The following SCUBE3 variants were observed in gnomAD, a reference collection of about 807,000 sequenced individuals.
SCUBE3 encodes the protein signal peptide, CUB domain and EGF like domain containing 3.
In SCUBE3, 33 loss-of-function variants were observed where a neutral mutation model predicts 116.8. The ratio of observed to expected loss-of-function variants is 0.28; its 90% confidence interval spans 0.21 to 0.38. The LOEUF (loss-of-function observed/expected upper bound fraction) is 0.38. Among genes scored for constraint, SCUBE3 ranks in the 10% least tolerant of loss-of-function variants. The pLI, the probability that SCUBE3 is intolerant of heterozygous loss-of-function variation, is 1.00. For synonymous variants in SCUBE3, 418 were observed against 496.9 expected, an observed-to-expected ratio of 0.84 and a Z score of 2.11; for missense variants, 1,007 against 1,324.8, an observed-to-expected ratio of 0.76 and a Z score of 3.72.
In SCUBE3 at chr6:35,250,376, A is replaced by G. The variant is rs193061758; in HGVS notation, c.*1671A>G. On this transcript the variant is annotated 3_prime_UTR_variant, in exon 22 of 22. Coordinates refer to ENST00000274938, the MANE Select transcript of SCUBE3 (RefSeq NM_152753.4). ...TGTACACATGGAAGAGGACCAGGAC[A>G]TACCACCTGGGGATGGGCTGACTCA... 3 of 152,298 alleles carry G rather than the reference A, an allele frequency of 2.0e-5. No homozygotes were observed. Among genetic ancestry groups the G allele is most frequent in the Admixed American group, 6.5e-5 (1 of 15,298 alleles). The allele number at this position is 152,298 out of a possible 1,614,324, so 9.4% of individuals were successfully genotyped here.
chr6:35,246,159 A>G lies in SCUBE3; in HGVS notation c.2753-47A>G, dbSNP rs200393984. Reference sequence around the variant, plus strand: ...AGTTTTGAGAGGGAACCAGGAGAGCAGGAAGAGCTCCCGCCCCTGAGCCCC... The same window carrying G: ...AGTTTTGAGAGGGAACCAGGAGAGCGGGAAGAGCTCCCGCCCCTGAGCCCC... On this transcript the variant is annotated intron_variant, in intron 20 of 21. Transcript: ENST00000274938. 2.2e-4 allele frequency: 349 copies of G among 1,611,652 alleles called. 1 individual carries two copies. The African/African-American group carries it at 4.0e-3, about 18-fold the overall frequency.
At chr6:35,225,724 G>A (rs949477183) in intron 1 of SCUBE3, among the ~76,000 whole-genome samples, 1 of 152,124 alleles carries the variant, frequency 6.6e-6, no homozygotes, top group African/African-American at 2.4e-5. Context: ...TAAAAGCGGA[G>A]GACAGATAAC....
In SCUBE3 at chr6:35,235,571, T is replaced by C. The variant is rs140694819; in HGVS notation, c.712+2270T>C. 3.7e-6 allele frequency: 3 copies of C among 806,696 alleles called. No homozygotes were observed. Among genetic ancestry groups the C allele is most frequent in the African/African-American group, 1.7e-5 (1 of 57,432 alleles). The allele number at this position is 806,696 out of a possible 1,614,324, so 50.0% of individuals were successfully genotyped here. ...CTAACCCGCTGGGGCTCCCACTAAC[T>C]GCATGCCCACTGGGCCCAGCCTGAC... is the stretch of plus-strand genomic sequence containing the variant. On this transcript the variant is annotated intron_variant, in intron 6 of 21. Coordinates refer to ENST00000274938, the MANE Select transcript of SCUBE3 (RefSeq NM_152753.4). This position sits in a 1 kb window ranked among gnomAD's most constrained non-coding sequence, Gnocchi z 4.5.
At chr6:35,217,222 CGGGGGGGGGG>C (rs1260285538) in intron 1 of SCUBE3, among the ~76,000 whole-genome samples, 1 of 1,070 alleles carries the variant, frequency 9.3e-4, no homozygotes. Context: ...GGGTGTTTGG[CGGGGGGGGGG>C]GGGGCGGGGG....
rs1031368710 is a variant in SCUBE3 at position 35,235,515 on chromosome 6, G to A, written c.712+2214G>A. On this transcript the variant is annotated intron_variant, in intron 6 of 21. Transcript: ENST00000274938. This position sits in a 1 kb window ranked among gnomAD's most constrained non-coding sequence, Gnocchi z 4.5. ...AATGGTAAATATGTCTGCTCTCTCC[G>A]CTTGCTCTCACTGGCTTGCTAGGGG... is the stretch of plus-strand genomic sequence containing the variant. 1.7e-5 allele frequency: 22 copies of A among 1,260,652 alleles called. No homozygotes were observed. The highest frequency in any genetic ancestry group is 7.6e-5 in the African/African-American group (5 of 65,390). 78.1% of individuals were successfully genotyped at this position (1,260,652 alleles called of 1,614,324 possible). A position where few individuals can be genotyped will look rare whatever the true frequency, so the allele number is the denominator to read the frequency against.
chr6:35,227,808 A>G lies in SCUBE3; in HGVS notation c.208+106A>G. 2.8e-6 allele frequency: 3 copies of G among 1,064,066 alleles called. No homozygotes were observed. The South Asian group carries it at 4.3e-5, about 15-fold the overall frequency. 65.9% of individuals were successfully genotyped at this position (1,064,066 alleles called of 1,614,324 possible). On this transcript the variant is annotated intron_variant, in intron 2 of 21. Transcript: ENST00000274938. ...CCATCACATCAAGGCTAGAAATTCC[A>G]CTGGTCAAGTGGTGGGGGGGTGGTG...
In SCUBE3 at chr6:35,231,081, T is replaced by C. The variant is rs1783530608; in HGVS notation, c.335-644T>C. ...CCCCAGATCCCTCCCCGCCAAGTTG[T>C]CAGACTTTGTTTTGTTAAGCCAAAA... On this transcript the variant is annotated intron_variant, in intron 3 of 21. Transcript: ENST00000274938. This position sits in a 1 kb window ranked among gnomAD's most constrained non-coding sequence, Gnocchi z 4.2. Among the ~76,000 whole-genome samples the C allele has an allele frequency of 6.6e-6, 1 of 151,858 alleles. No individual in the cohort carries two copies. Among genetic ancestry groups the C allele is most frequent in the Non-Finnish European group, 1.5e-5 (1 of 67,940 alleles).
chr6:35,227,811 G>T, intron 2 of SCUBE3, 109 bp downstream of exon 2: 4 of 1,164,578 alleles, frequency 3.4e-6, no homozygotes, highest in Non-Finnish European at 3.7e-6. Context: ...AAATTCCACT[G>T]GTCAAGTGGT....
chr6:35,241,585 T>G lies in SCUBE3; in HGVS notation c.1238T>G (p.Met413Arg). 6.2e-7 allele frequency: 1 copy of G among 1,614,198 alleles called. No individual in the cohort carries two copies. The highest frequency in any genetic ancestry group is 1.1e-5 in the South Asian group (1 of 91,090). ...CQGSPGASKA[M>R]LSCNRSGKKD... ...GGCAGTCCTGGGGCCTCGAAAGCCA[T>G]GCTCAGCTGCAACCGGTCTGGCAAG... The change falls in exon 11 of 22, where the codon ATG becomes AGG. Residue 413 changes from methionine (M) to arginine (R), a missense_variant. Physicochemically the swap from Met to Arg is moderately conservative, Grantham distance 91. Coordinates refer to ENST00000274938, the MANE Select transcript of SCUBE3 (RefSeq NM_152753.4). The surrounding 1 kb of genome is among the most constrained non-coding windows in gnomAD (Gnocchi z 4.1).
chr6:35,231,914 C>G lies in SCUBE3; in HGVS notation c.469+55C>G. 5 of 1,513,554 alleles carry G rather than the reference C, an allele frequency of 3.3e-6. No individual in the cohort carries two copies. The South Asian group carries it at 6.0e-5, about 18-fold the overall frequency. 93.8% of individuals were successfully genotyped at this position (1,513,554 alleles called of 1,614,324 possible). ...CCTGCCCTCCCCAGGCTTCTCTTCC[C>G]AGCTGTCCCTCAGCAGCCCCTAAGT... On this transcript the variant is annotated intron_variant, in intron 4 of 21. Transcript: ENST00000274938. The surrounding 1 kb of genome is among the most constrained non-coding windows in gnomAD (Gnocchi z 4.2).
At position 35,241,259 on chromosome 6, in the gene SCUBE3, T is replaced by C. The variant is rs1446734583; in HGVS notation, c.1188T>C (p.Asp396=). 1 of 1,594,296 alleles carries C rather than the reference T, an allele frequency of 6.3e-7. No individual in the cohort carries two copies. Among genetic ancestry groups the C allele is most frequent in the Non-Finnish European group, 8.6e-7 (1 of 1,164,892 alleles). ...GQGRLHWNGK[D]CTEPLKCQGS... is the part of the protein sequence containing the mutation. ...GTCGGCTGCACTGGAATGGCAAAGA[T>C]TGCACAGGTGGGCAGTGCCCTCTGC... Residue 396 remains aspartate, a synonymous_variant, in exon 10 of 22, where the codon GAT becomes GAC. Transcript: ENST00000274938. This position sits in a 1 kb window ranked among gnomAD's most constrained non-coding sequence, Gnocchi z 4.1.
chr6:35,237,620 G>A (rs1783831839), intron 6 of SCUBE3, among the ~76,000 whole-genome samples: 2 of 151,640 alleles, frequency 1.3e-5, no homozygotes, highest in South Asian at 4.2e-4. Context: ...GCACATTCCT[G>A]CCTGACAGCT....
chr6:35,248,727 A>G lies in SCUBE3; in HGVS notation c.*22A>G. The G allele has an allele frequency of 6.2e-7, 1 of 1,611,394 alleles. No individual in the cohort carries two copies. The highest frequency in any genetic ancestry group is 8.5e-7 in the Non-Finnish European group (1 of 1,178,390). On this transcript the variant is annotated 3_prime_UTR_variant, in exon 22 of 22. Coordinates refer to ENST00000274938, the MANE Select transcript of SCUBE3 (RefSeq NM_152753.4). ...ATAGTAACCCTAGGCTCAGAGACCC[A>G]ATTTTTTAAGCCCCCAGACTCCTTA...
At chr6:35,217,263 G>GGGGT (rs1782957391) in intron 1 of SCUBE3, among the ~76,000 whole-genome samples, 2 of 101,412 alleles carry the variant, frequency 2.0e-5, no homozygotes, top group Non-Finnish European at 4.0e-5. Context: ...CGGGGGGGGG[G>GGGGT]GTGTGTGCAG....
chr6:35,226,086 G>T lies in SCUBE3; in HGVS notation c.86-1494G>T, dbSNP rs540451001. Among the ~76,000 whole-genome samples, 3 of 152,228 alleles carry T rather than the reference G, an allele frequency of 2.0e-5. No individual in the cohort carries two copies. The East Asian group carries it at 5.8e-4, about 29-fold the overall frequency. On this transcript the variant is annotated intron_variant, in intron 1 of 21. Coordinates refer to ENST00000274938, the MANE Select transcript of SCUBE3 (RefSeq NM_152753.4). The stretch of plus-strand genomic sequence containing the variant: ...ATCTCTTTCTCCTCTGATCTGCCCC[G>T]TAACACAGGTTCTCAACCTTGACTA...
At position 35,241,469 on chromosome 6, in the gene SCUBE3, A is replaced by C; in HGVS notation, c.1196-74A>C. Reference sequence around the variant, plus strand: ...TGGGTACAACAATAGTTATGCAAGTAGCTGATTCCTCCAAATTACCCAACT... The same window carrying C: ...TGGGTACAACAATAGTTATGCAAGTCGCTGATTCCTCCAAATTACCCAACT... On this transcript the variant is annotated intron_variant, in intron 10 of 21. Coordinates refer to ENST00000274938, the MANE Select transcript of SCUBE3 (RefSeq NM_152753.4). The surrounding 1 kb of genome is among the most constrained non-coding windows in gnomAD (Gnocchi z 4.1). The C allele has an allele frequency of 8.5e-7, 1 of 1,182,566 alleles. No individual in the cohort carries two copies. The highest frequency in any genetic ancestry group is 1.3e-6 in the Non-Finnish European group (1 of 788,188). The allele number at this position is 1,182,566 out of a possible 1,614,324, so 73.3% of individuals were successfully genotyped here.
rs1357308524 is a variant in SCUBE3 at position 35,252,395 on chromosome 6, CTT to C, written c.*3694_*3695del. The stretch of plus-strand genomic sequence containing the variant: ...GTCCTGGTCTTTGGCCCTAGAGAAA[CTT>C]TTTATATGAGAAGTGTTCTCTATAT... On this transcript the variant is annotated 3_prime_UTR_variant, in exon 22 of 22. Transcript: ENST00000274938. The C allele has an allele frequency of 6.6e-6, 1 of 152,166 alleles. No individual in the cohort carries two copies. 9.4% of individuals were successfully genotyped at this position (152,166 alleles called of 1,614,324 possible). A position where few individuals can be genotyped will look rare whatever the true frequency, so the allele number is the denominator to read the frequency against.
chr6:35,248,776 A>T lies in SCUBE3; in HGVS notation c.*71A>T. 1.6e-6 allele frequency: 2 copies of T among 1,253,688 alleles called. No individual in the cohort carries two copies. Among genetic ancestry groups the T allele is most frequent in the Non-Finnish European group, 2.3e-6 (2 of 885,484 alleles). The allele number at this position is 1,253,688 out of a possible 1,614,324, so 77.7% of individuals were successfully genotyped here. On this transcript the variant is annotated 3_prime_UTR_variant, in exon 22 of 22. Transcript: ENST00000274938. Reference sequence around the variant, plus strand: ...TAGCCCTCAGAGCCGGCAGCCCCCTACCCTCAGACAAGGAACTCTCTCCTC... The same window carrying T: ...TAGCCCTCAGAGCCGGCAGCCCCCTTCCCTCAGACAAGGAACTCTCTCCTC...
chr6:35,217,222 C>CGGGGGGGGGGGGGGGGGG lies in SCUBE3; in HGVS notation c.85+2733_85+2734insGGGGGGGGGGGGGGGGGG, dbSNP rs1260285538. ...TTTTGGTAAGGGGGTGGGTGTTTGG[C>CGGGGGGGGGGGGGGGGGG]GGGGGGGGGGGGGGCGGGGGGGAGG... On this transcript the variant is annotated intron_variant, in intron 1 of 21. Coordinates refer to ENST00000274938, the MANE Select transcript of SCUBE3 (RefSeq NM_152753.4). 2.8e-3 allele frequency among the ~76,000 whole-genome samples: 3 copies of CGGGGGGGGGGGGGGGGGG among 1,070 alleles called. 1 individual carries two copies. The highest frequency in any genetic ancestry group is 0.01 in the Admixed American group (1 of 96). The allele number at this position is 1,070 out of a possible 152,430, so 0.7% of individuals were successfully genotyped here. A position where few individuals can be genotyped will look rare whatever the true frequency, so the allele number is the denominator to read the frequency against.
Sources: allele counts gnomAD v4.1 joint callset (sites outside exome capture counted in the v4.1 genomes callset), GRCh38; gene constraint gnomAD v4.1.1; non-coding constraint Gnocchi (gnomAD v3.1); transcripts MANE v1.5; gene names NCBI Gene and HGNC (gene_info 2026-07-23, HGNC 2026-07-21).